The following ATP6V0A2 variants were observed in gnomAD, a reference collection of about 807,000 sequenced individuals.
ATP6V0A2 encodes V-type proton ATPase 116 kDa subunit a 2.
ATP6V0A2 carries 58 observed loss-of-function variants against 104.4 expected under a neutral mutation model. That is an observed-to-expected ratio of 0.56 (90% confidence interval 0.45 to 0.69). ATP6V0A2 has a LOEUF of 0.69. Among genes scored for constraint, ATP6V0A2 ranks in the 30% least tolerant of loss-of-function variants. The probability of loss-of-function intolerance (pLI) is 0.00; values close to 1 mark genes in which losing one functional copy is unlikely to be tolerated. For synonymous variants in ATP6V0A2, 376 were observed against 397.9 expected, an observed-to-expected ratio of 0.95 and a Z score of 0.65; for missense variants, 938 against 1,062.9, an observed-to-expected ratio of 0.88 and a Z score of 1.63.
intron 19 of ATP6V0A2, among the ~76,000 whole-genome samples, chr12:123,757,322 T>C (rs1240745182): frequency 6.6e-6 from 1 of 151,992 alleles, no homozygotes; most frequent in East Asian, 1.9e-4. Context: ...GCGCCTATAA[T>C]ACCAGCTTCT....
At position 123,754,435 on chromosome 12, in the gene ATP6V0A2, A is replaced by C. The variant is rs1956744174; in HGVS notation, c.2191A>C (p.Ile731Leu). 6.2e-7 allele frequency: 1 copy of C among 1,612,714 alleles called. No homozygotes were observed. The highest frequency in any genetic ancestry group is 1.7e-5 in the Admixed American group (1 of 59,996). ...TCTCTCTCAGTTTAATTTTGGAGAA[A>C]TATTAATGACCCAAGTAATCCATTC... ...MACEEFNFGE[I>L]LMTQVIHSIE... is the part of the protein sequence containing the mutation. Residue 731 changes from isoleucine (I) to leucine (L), a missense_variant, in exon 18 of 20, where the codon ATA (isoleucine) becomes CTA (leucine). Ile to Leu is a conservative substitution (Grantham distance 5). Coordinates refer to ENST00000330342, the MANE Select transcript of ATP6V0A2 (RefSeq NM_012463.4).
chr12:123,753,542 C>G (rs78988487), intron 17 of ATP6V0A2, among the ~76,000 whole-genome samples: 2,272 of 152,358 alleles, frequency 0.015, 45 homozygotes, highest in African/African-American at 0.052. Flanking sequence ...CACAGTGGGT[C>G]AGGGCCCACC....
At chr12:123,720,372 A>G (rs780652787) in intron 2 of ATP6V0A2, among the ~76,000 whole-genome samples, 1 of 152,216 alleles carries the variant, frequency 6.6e-6, no homozygotes, top group African/African-American at 2.4e-5. Flanking sequence ...CATTAGGTAT[A>G]TCCAGGACTT....
intron 15 of ATP6V0A2, among the ~76,000 whole-genome samples, chr12:123,749,686 T>C (rs1251763151): frequency 6.6e-6 from 1 of 152,220 alleles, no homozygotes; most frequent in Non-Finnish European, 1.5e-5. Context: ...CCACCTTACA[T>C]TGAGGGTCTT....
rs969309132 is a variant in ATP6V0A2 at position 123,718,645 on chromosome 12, T to C, written c.140T>C (p.Phe47Ser). The C allele has an allele frequency of 3.1e-6, 5 of 1,612,774 alleles. No homozygotes were observed. Among genetic ancestry groups the C allele is most frequent in the African/African-American group, 2.7e-5 (2 of 74,922 alleles). ...CAGCTCAACCAGAACGTAAGTTCTT[T>C]CCAAAGAAAATTTGTTGGTGAGGTG... ...FRDLNQNVSS[F>S]QRKFVGEVKR... Residue 47 changes from phenylalanine to serine, a missense_variant, in exon 2 of 20, where the codon TTC becomes TCC. Coordinates refer to ENST00000330342, the MANE Select transcript of ATP6V0A2 (RefSeq NM_012463.4).
At position 123,722,620 on chromosome 12, in the gene ATP6V0A2, A is replaced by G. The variant is rs139907633; in HGVS notation, c.294+172A>G. Among the ~76,000 whole-genome samples, 30 of 152,284 alleles carry G rather than the reference A, an allele frequency of 2.0e-4. No homozygotes were observed. In the East Asian group the frequency reaches 5.4e-3, roughly 27 times the overall value. ...TATTATGATTAACCCTCAGTAATAGATTATCTGTGTTAAATTTTAACAGTA... is the reference window on the plus strand; with the variant it reads ...TATTATGATTAACCCTCAGTAATAGGTTATCTGTGTTAAATTTTAACAGTA... On this transcript the variant is annotated intron_variant, in intron 3 of 19. Transcript: ENST00000330342.
chr12:123,719,901 AGGTGATACAT>A (rs1336923376), intron 2 of ATP6V0A2, among the ~76,000 whole-genome samples: 7 of 151,910 alleles, frequency 4.6e-5, no homozygotes, highest in African/African-American at 1.7e-4. Flanking sequence ...AAAGGTCACA[AGGTGATACAT>A]GGCAAAGTTA....
Position 123,737,196 on chromosome 12 carries a change from C to T in ATP6V0A2, c.963C>T (p.Asn321=). ...MLNMCSFDVT[N]KCLIAEVWCP... ...ACATGTGCAGCTTTGACGTGACCAA[C>T]AAGTGCCTCATTGCTGAGGTCTGGT... is the stretch of plus-strand genomic sequence containing the variant. The change falls in exon 9 of 20, where the codon AAC becomes AAT. Residue 321 remains asparagine, a synonymous_variant. Transcript: ENST00000330342. The T allele has an allele frequency of 2.5e-6, 4 of 1,614,202 alleles. No homozygotes were observed. The highest frequency in any genetic ancestry group is 3.4e-6 in the Non-Finnish European group (4 of 1,180,044).
intron 6 of ATP6V0A2, 74 bp from the exon 7 acceptor site, chr12:123,733,852 C>A: frequency 9.9e-7 from 1 of 1,008,244 alleles, no homozygotes; most frequent in Non-Finnish European, 1.6e-6. Flanking sequence ...AACGCTTTGA[C>A]AGTGTTTGAG....
chr12:123,724,905 T>C, intron 4 of ATP6V0A2, 114 bp downstream of exon 4: 1 of 709,678 alleles, frequency 1.4e-6, no homozygotes, highest in Non-Finnish European at 2.2e-6. Flanking sequence ...TGTTGCTTCT[T>C]TTAAGAGATT....
At chr12:123,713,968 C>G (rs1956316766) in intron 1 of ATP6V0A2, among the ~76,000 whole-genome samples, 1 of 152,186 alleles carries the variant, frequency 6.6e-6, no homozygotes, top group East Asian at 1.9e-4. Context: ...AGGTAAGATG[C>G]AGGGCGGTTC....
intron 1 of ATP6V0A2, among the ~76,000 whole-genome samples, chr12:123,717,434 TTTTCTTTC>T (rs766709749): frequency 2.1e-5 from 3 of 142,212 alleles, no homozygotes; most frequent in African/African-American, 5.0e-5. Context: ...ATTTCTTTTC[TTTTCTTTC>T]TTTCTTTTTT....
chr12:123,712,714 C>T (rs748648508), intron 1 of ATP6V0A2, 32 bp downstream of exon 1: 1 of 1,567,368 alleles, frequency 6.4e-7, no homozygotes, highest in South Asian at 1.1e-5. Context: ...CGGGCCGCAC[C>T]TGCTCTCCTG....
chr12:123,734,083 TG>T, intron 7 of ATP6V0A2, 75 bp downstream of exon 7: 1 of 1,193,588 alleles, frequency 8.4e-7, no homozygotes. Context: ...AACATCCCTC[TG>T]GAGTCAGAAA....
chr12:123,739,382 G>A (rs1956586704), intron 9 of ATP6V0A2, among the ~76,000 whole-genome samples: 1 of 152,226 alleles, frequency 6.6e-6, no homozygotes, highest in African/African-American at 2.4e-5. Flanking sequence ...GTTCTCCAGT[G>A]TTGATGAAAG....
chr12:123,736,136 G>T (rs1956550953), intron 8 of ATP6V0A2, among the ~76,000 whole-genome samples: 1 of 149,612 alleles, frequency 6.7e-6, no homozygotes, highest in Admixed American at 6.7e-5. Context: ...GCCTCCTAAA[G>T]TGCTGGGATT....
chr12:123,760,359 T>C lies in ATP6V0A2; in HGVS notation c.*2327T>C, dbSNP rs1956799838. ...TCTGGGAAAGCGCTCTCTGGAAATG[T>C]AGTTTGATAATAGTGTCTTATAGGG... is the stretch of plus-strand genomic sequence containing the variant. On this transcript the variant is annotated 3_prime_UTR_variant, in exon 20 of 20. Coordinates refer to ENST00000330342, the MANE Select transcript of ATP6V0A2 (RefSeq NM_012463.4). 2 of 152,190 alleles carry C rather than the reference T, an allele frequency of 1.3e-5. No homozygotes were observed. The highest frequency in any genetic ancestry group is 4.8e-5 in the African/African-American group (2 of 41,440). The allele number at this position is 152,190 out of a possible 1,614,324, so 9.4% of individuals were successfully genotyped here. A position where few individuals can be genotyped will look rare whatever the true frequency, so the allele number is the denominator to read the frequency against.
intron 9 of ATP6V0A2, among the ~76,000 whole-genome samples, chr12:123,740,669 C>G (rs76054267): frequency 0.011 from 1,660 of 152,312 alleles, 37 homozygotes; most frequent in African/African-American, 0.038. Context: ...CTCCTGTCAT[C>G]TTTCAGTGGA....
chr12:123,726,405 G>T (rs1956449567), intron 5 of ATP6V0A2, 120 bp downstream of exon 5: 1 of 754,214 alleles, frequency 1.3e-6, no homozygotes, highest in Non-Finnish European at 2.4e-6. Context: ...GAAACATAGT[G>T]AATATTTGTT....
Sources: allele counts gnomAD v4.1 joint callset (sites outside exome capture counted in the v4.1 genomes callset), GRCh38; gene constraint gnomAD v4.1.1; transcripts MANE v1.5; gene names NCBI Gene and HGNC (gene_info 2026-07-23, HGNC 2026-07-21).